ALDH2: variants seen among roughly 807,000 people sequenced by gnomAD.
ALDH2 encodes aldehyde dehydrogenase, mitochondrial.
Under a neutral mutation model 59.6 loss-of-function variants are expected in ALDH2, and 44 were observed. That is an observed-to-expected ratio of 0.74 (90% CI 0.58 to 0.95). The LOEUF is 0.95. Among genes scored for constraint, ALDH2 ranks in the 40% least tolerant of loss-of-function variants. The pLI is 0.00. For synonymous variants in ALDH2, 291 were observed against 284.0 expected (o/e 1.02, Z -0.25); for missense variants, 570 against 696.3 (o/e 0.82, Z 2.04).
At chr12:111,802,025 T>C (rs541753563) in intron 11 of ALDH2, among the ~76,000 whole-genome samples, 1 of 151,630 alleles carries the variant, frequency 6.6e-6, no homozygotes, top group East Asian at 2.0e-4. Flanking sequence ...GAGGCCAAGG[T>C]AGACGGATCA....
rs1302337728 is a variant in ALDH2 at position 111,783,194 on chromosome 12, G to A, written c.256G>A (p.Ala86Thr). The A allele has an allele frequency of 1.7e-5, 28 of 1,612,884 alleles. No homozygotes were observed. The highest frequency in any genetic ancestry group is 1.6e-4 in the Middle Eastern group (1 of 6,084). ...CAAGGCAGTGAAGGCCGCCCGGGCC[G>A]CCTTCCAGCTGGGCTCACCTTGGCG... The part of the protein sequence containing the change: ...VDKAVKAARA[A>T]FQLGSPWRRM... The change falls in exon 3 of 13, where the codon GCC (alanine) becomes ACC (threonine). Residue 86 changes from alanine (A) to threonine (T), a missense_variant. Transcript: ENST00000261733.
intron 9 of ALDH2, among the ~76,000 whole-genome samples, chr12:111,794,165 G>T (rs2136020452): frequency 6.6e-6 from 1 of 151,718 alleles, no homozygotes; most frequent in Non-Finnish European, 1.5e-5. Context: ...ACTTACAGGT[G>T]CATGCCACCA....
At position 111,811,207 on chromosome 12, in the gene ALDH2, G is replaced by T. The variant is rs2068532871; in HGVS notation, c.*1632G>T. The T allele has an allele frequency of 6.6e-6, 1 of 151,730 alleles. No homozygotes were observed. The highest frequency in any genetic ancestry group is 2.4e-5 in the African/African-American group (1 of 41,306). 9.4% of individuals were successfully genotyped at this position (151,730 alleles called of 1,614,324 possible). On this transcript the variant is annotated 3_prime_UTR_variant, in exon 13 of 13. Transcript: ENST00000261733. ...CAAAAAAAAAAAAAAAAACTAGCCGGGCATGGTGGCTCATGCCTGTAATCC... is the reference window on the plus strand; with the variant it reads ...CAAAAAAAAAAAAAAAAACTAGCCGTGCATGGTGGCTCATGCCTGTAATCC...
intron 12 of ALDH2, 76 bp downstream of exon 12, chr12:111,804,049 G>A: frequency 8.8e-7 from 1 of 1,132,616 alleles, no homozygotes; most frequent in Non-Finnish European, 1.2e-6. Context: ...GCCTGCTGGG[G>A]GATTGGGGTC....
chr12:111,789,782 G>A, intron 4 of ALDH2, 41 bp from the exon 5 acceptor site: 1 of 1,558,140 alleles, frequency 6.4e-7, no homozygotes, highest in Non-Finnish European at 8.8e-7. Flanking sequence ...AGGGGTCCCT[G>A]ACAATCATTG....
In ALDH2 at chr12:111,798,186, A is replaced by G; in HGVS notation, c.1192A>G (p.Ile398Val). 2 of 1,606,614 alleles carry G rather than the reference A, an allele frequency of 1.2e-6. No individual in the cohort carries two copies. The highest frequency in any genetic ancestry group is 2.2e-5 in the East Asian group (1 of 44,802). The change falls in exon 10 of 13, where the codon ATC (isoleucine) becomes GTC (valine). Residue 398 changes from isoleucine to valine, a missense_variant. Transcript: ENST00000261733. ...GGIAADRGYF[I>V]QPTVFGDVQD... ...CATTGCTGCTGACCGTGGTTACTTC[A>G]TCCAGCCCACTGTGTTTGGAGATGT... is the stretch of plus-strand genomic sequence containing the variant.
At chr12:111,782,103 A>G (rs1288165434) in intron 2 of ALDH2, 81 bp downstream of exon 2, 2 of 1,040,938 alleles carry the variant, frequency 1.9e-6, no homozygotes, top group African/African-American at 3.2e-5. Flanking sequence ...AAGCTTTACC[A>G]TATATGTGTA....
At chr12:111,778,074 G>C (rs2068246073) in intron 1 of ALDH2, among the ~76,000 whole-genome samples, 1 of 152,152 alleles carries the variant, frequency 6.6e-6, no homozygotes. Context: ...GGGGCACTCT[G>C]TTTCCACCCT....
At chr12:111,809,468 T>C (rs2068520127) in intron 12 of ALDH2, 75 bp from the exon 13 acceptor site, 1 of 1,544,798 alleles carries the variant, frequency 6.5e-7, no homozygotes, top group Non-Finnish European at 8.9e-7. Flanking sequence ...TCACACTTAG[T>C]CAGCTCCTAG....
chr12:111,804,783 T>C (rs2068481459), intron 12 of ALDH2, among the ~76,000 whole-genome samples: 1 of 151,552 alleles, frequency 6.6e-6, no homozygotes. Context: ...AAGAATTAGC[T>C]ATTAGGTTGG....
intron 4 of ALDH2, among the ~76,000 whole-genome samples, chr12:111,787,285 C>T (rs1483459656): frequency 1.3e-5 from 2 of 152,156 alleles, no homozygotes; most frequent in Non-Finnish European, 2.9e-5. Flanking sequence ...TGCAAAAGGC[C>T]ATTGAGTCTC....
Position 111,816,692 on chromosome 12 carries a change from T to C in ALDH2, c.*7117T>C, listed in dbSNP as rs1357825918. 1 of 152,190 alleles carries C rather than the reference T, an allele frequency of 6.6e-6. No individual in the cohort carries two copies. Among genetic ancestry groups the C allele is most frequent in the Non-Finnish European group, 1.5e-5 (1 of 68,026 alleles). The allele number at this position is 152,190 out of a possible 1,614,324, so 9.4% of individuals were successfully genotyped here. A position where few individuals can be genotyped will look rare whatever the true frequency, so the allele number is the denominator to read the frequency against. On this transcript the variant is annotated 3_prime_UTR_variant, in exon 13 of 13. Coordinates refer to ENST00000261733, the MANE Select transcript of ALDH2 (RefSeq NM_000690.4). Reference sequence around the variant, plus strand: ...TGGCAGTCCATCCAATTTTACAGACTATGAACAGAAGACAGAGACAAAACA... The same window carrying C: ...TGGCAGTCCATCCAATTTTACAGACCATGAACAGAAGACAGAGACAAAACA...
At chr12:111,778,690 C>T (rs1016216230) in intron 1 of ALDH2, among the ~76,000 whole-genome samples, 13 of 151,938 alleles carry the variant, frequency 8.6e-5, no homozygotes, top group African/African-American at 2.4e-4. Context: ...AAAAATTAGC[C>T]GGGCATGGTG....
chr12:111,782,442 G>C (rs181504460), intron 2 of ALDH2, among the ~76,000 whole-genome samples: 1 of 152,208 alleles, frequency 6.6e-6, no homozygotes, highest in East Asian at 1.9e-4. Context: ...GTTTTTGGCC[G>C]GGCGCAGTGG....
chr12:111,794,079 C>A (rs1190327747), intron 9 of ALDH2, among the ~76,000 whole-genome samples: 1 of 137,088 alleles, frequency 7.3e-6, no homozygotes, highest in Non-Finnish European at 1.5e-5. Flanking sequence ...AGTGCAGTGG[C>A]GTGATCTCGG....
At chr12:111,809,399 AG>A in intron 12 of ALDH2, 143 bp from the exon 13 acceptor site, 1 of 804,144 alleles carries the variant, frequency 1.2e-6, no homozygotes, top group Non-Finnish European at 2.0e-6. Flanking sequence ...GGCAGTAGTG[AG>A]CTGTAATTGC....
At position 111,799,950 on chromosome 12, in the gene ALDH2, G is replaced by C; in HGVS notation, c.1293G>C (p.Glu431Asp). The change falls in exon 11 of 13, where the codon GAG (glutamate) becomes GAC (aspartate). Residue 431 changes from glutamate (E) to aspartate (D), a missense_variant. By Grantham distance (45) the Glu-to-Asp change is conservative. Coordinates refer to ENST00000261733, the MANE Select transcript of ALDH2 (RefSeq NM_000690.4). ...VMQILKFKTI[E>D]EVVGRANNST... ...AGATCCTGAAGTTCAAGACCATAGAGGAGGTTGTTGGGAGAGCCAACAATT... is the reference window on the plus strand; with the variant it reads ...AGATCCTGAAGTTCAAGACCATAGACGAGGTTGTTGGGAGAGCCAACAATT... 1 of 1,614,122 alleles carries C rather than the reference G, an allele frequency of 6.2e-7. No individual in the cohort carries two copies. The highest frequency in any genetic ancestry group is 8.5e-7 in the Non-Finnish European group (1 of 1,180,014).
chr12:111,804,020 G>T (rs766312843), intron 12 of ALDH2, 47 bp downstream of exon 12: 6 of 1,440,428 alleles, frequency 4.2e-6, no homozygotes, highest in Non-Finnish European at 5.7e-6. Flanking sequence ...GGGGCTTGAG[G>T]GTCTGCTGGT....
chr12:111,770,459 CTCTT>C (rs2068190902), intron 1 of ALDH2, among the ~76,000 whole-genome samples: 1 of 152,028 alleles, frequency 6.6e-6, no homozygotes, highest in African/African-American at 2.4e-5. Context: ...TTCTTACCCT[CTCTT>C]TCTGTTTTTG....
Sources: gnomAD v4.1 joint callset for allele counts (sites outside exome capture counted in the v4.1 genomes callset) on GRCh38, gnomAD v4.1.1 for gene constraint, MANE v1.5 for transcripts, NCBI Gene and HGNC (gene_info 2026-07-23, HGNC 2026-07-21) for gene names.